Variants in SEMA6D observed in about 807,000 individuals in gnomAD.
SEMA6D encodes the protein semaphorin 6D.
In SEMA6D, 35 loss-of-function variants were observed where a neutral mutation model predicts 106.6. That is an observed-to-expected ratio of 0.33 (90% CI 0.25 to 0.44). The LOEUF is 0.44. Among genes scored for constraint, SEMA6D ranks in the 20% least tolerant of loss-of-function variants. The pLI is 1.00. For synonymous variants in SEMA6D, 499 were observed against 487.7 expected (o/e 1.02, Z -0.31); for missense variants, 1,185 against 1,345.9 (o/e 0.88, Z 1.87).
chr15:47,548,359 G>T (rs2045584268), intron 3 of SEMA6D, among the ~76,000 whole-genome samples: 1 of 152,116 alleles, frequency 6.6e-6, no homozygotes, highest in Non-Finnish European at 1.5e-5. Flanking sequence ...TAAAATCCTT[G>T]CACCTGCCAG....
At position 47,704,813 on chromosome 15, in the gene SEMA6D, T is replaced by G. The variant is rs139700820; in HGVS notation, c.-54-54932T>G. Among the ~76,000 whole-genome samples the G allele has an allele frequency of 3.1e-3, 472 of 152,300 alleles. 1 individual carries two copies. Among genetic ancestry groups the G allele is most frequent in the Non-Finnish European group, 5.2e-3 (353 of 68,024 alleles). ...ATGATTGATATCCATGGCTCTTATT[T>G]TCTTTTAAAAAAAGGATTCTTGTAT... On this transcript the variant is annotated intron_variant, in intron 4 of 19. Coordinates refer to the SEMA6D transcript ENST00000558014.
At chr15:47,221,374 C>T (rs940785676) in intron 1 of SEMA6D, among the ~76,000 whole-genome samples, 6 of 152,140 alleles carry the variant, frequency 3.9e-5, no homozygotes, top group African/African-American at 1.4e-4. Flanking sequence ...TAAAGGCTTC[C>T]CTGTTATTGC....
chr15:47,339,240 T>A (rs1266330054), intron 1 of SEMA6D: 2 of 152,202 alleles, frequency 1.3e-5, no homozygotes, highest in African/African-American at 4.8e-5. Context: ...CCTTAAGTTC[T>A]TTGAGCTGCT....
chr15:47,685,327 A>G (rs938540438), intron 4 of SEMA6D, among the ~76,000 whole-genome samples: 4 of 152,224 alleles, frequency 2.6e-5, no homozygotes, highest in South Asian at 4.1e-4. Context: ...GCACAATCCC[A>G]GAGAGGCAGG....
intron 1 of SEMA6D, among the ~76,000 whole-genome samples, chr15:47,739,542 A>C (rs1169442861): frequency 1.3e-5 from 2 of 152,178 alleles, no homozygotes; most frequent in Non-Finnish European, 2.9e-5. Context: ...CATGTGATAC[A>C]TCTCAAGAAG....
At chr15:47,616,844 T>TA (rs1241244022) in intron 4 of SEMA6D, among the ~76,000 whole-genome samples, 4 of 152,236 alleles carry the variant, frequency 2.6e-5, no homozygotes, top group Non-Finnish European at 5.9e-5. Context: ...CCAGCCCTCT[T>TA]ACCTTCTCCC....
chr15:47,296,579 C>T (rs1164774776), intron 1 of SEMA6D, among the ~76,000 whole-genome samples: 1 of 152,092 alleles, frequency 6.6e-6, no homozygotes, highest in Non-Finnish European at 1.5e-5. Context: ...AGTTTATATG[C>T]CTGAACATAT....
chr15:47,571,411 CT>C lies in SEMA6D; in HGVS notation c.-86-29453del, dbSNP rs149348523. On this transcript the variant is annotated intron_variant, in intron 3 of 19. Coordinates refer to the SEMA6D transcript ENST00000558014. The stretch of plus-strand genomic sequence containing the variant: ...AAGAATGCCAATTACAGATGCTCTG[CT>C]GTCTGATTAGAGCATTCTTGAGTCC... Among the ~76,000 whole-genome samples the C allele has an allele frequency of 2.0e-3, 304 of 152,330 alleles. 1 individual carries two copies. Among genetic ancestry groups the C allele is most frequent in the African/African-American group, 6.9e-3 (288 of 41,576 alleles).
At chr15:47,330,213 G>T (rs2037289740) in intron 1 of SEMA6D, among the ~76,000 whole-genome samples, 1 of 152,078 alleles carries the variant, frequency 6.6e-6, no homozygotes, top group Non-Finnish European at 1.5e-5. Context: ...GTATATGTTT[G>T]CATGTGAATA....
Position 47,768,732 on chromosome 15 carries a change from A to G in SEMA6D, c.1917A>G (p.Leu639=). 1 of 1,613,234 alleles carries G rather than the reference A, an allele frequency of 6.2e-7. No homozygotes were observed. The highest frequency in any genetic ancestry group is 8.5e-7 in the Non-Finnish European group (1 of 1,179,412). ...DPNTSDFTDP[L]SGIPKGVRWE... ...ACACTTCTGATTTTACTGATCCTTT[A>G]TCGGGTATCCCAAAGGGTAAGGCCT... Residue 639 remains leucine, a synonymous_variant, in exon 18 of 19, where the codon TTA becomes TTG. Transcript: ENST00000536845.
chr15:47,657,797 A>C (rs1330995604), intron 4 of SEMA6D, among the ~76,000 whole-genome samples: 3 of 117,738 alleles, frequency 2.5e-5, no homozygotes, highest in Non-Finnish European at 4.8e-5. Flanking sequence ...GCTGGAGTGC[A>C]GTGGCAGATC....
At chr15:47,436,184 G>A (rs2140658862) in intron 2 of SEMA6D, among the ~76,000 whole-genome samples, 1 of 152,190 alleles carries the variant, frequency 6.6e-6, no homozygotes, top group South Asian at 2.1e-4. Flanking sequence ...GAGGTCAGGA[G>A]TTCCAGACCA....
chr15:47,475,201 C>G (rs980694708), intron 3 of SEMA6D, among the ~76,000 whole-genome samples: 6 of 152,124 alleles, frequency 3.9e-5, no homozygotes, highest in African/African-American at 1.4e-4. Flanking sequence ...TAAATAAAAG[C>G]CTAAATCATA....
chr15:47,331,965 T>C (rs2037359980), intron 1 of SEMA6D, among the ~76,000 whole-genome samples: 1 of 152,160 alleles, frequency 6.6e-6, no homozygotes, highest in African/African-American at 2.4e-5. Context: ...AAGAGCTCAG[T>C]AAAACAGTCC....
intron 1 of SEMA6D, among the ~76,000 whole-genome samples, chr15:47,252,425 C>T (rs1046277430): frequency 6.6e-6 from 1 of 152,070 alleles, no homozygotes; most frequent in South Asian, 2.1e-4. Flanking sequence ...ACTTTTCTAA[C>T]TATCCTAAAA....
At chr15:47,712,656 G>C (rs953883298), upstream of SEMA6D, among the ~76,000 whole-genome samples, 3 of 152,160 alleles carry the variant, frequency 2.0e-5, no homozygotes, top group African/African-American at 7.2e-5. Context: ...ATTTTTAGAA[G>C]TAAATAAACT....
chr15:47,475,025 C>A (rs1392734412), intron 3 of SEMA6D, among the ~76,000 whole-genome samples: 1 of 152,112 alleles, frequency 6.6e-6, no homozygotes, highest in Non-Finnish European at 1.5e-5. Context: ...GCTGACATTT[C>A]ATTGGCTATA....
At chr15:47,484,672 T>C (rs2043247129) in intron 3 of SEMA6D, among the ~76,000 whole-genome samples, 1 of 152,168 alleles carries the variant, frequency 6.6e-6, no homozygotes, top group Admixed American at 6.6e-5. Flanking sequence ...GGCAGGTAAA[T>C]GGAATCCCAT....
intron 1 of SEMA6D, among the ~76,000 whole-genome samples, chr15:47,747,983 T>A (rs1347872111): frequency 6.6e-6 from 1 of 152,252 alleles, no homozygotes; most frequent in Non-Finnish European, 1.5e-5. Flanking sequence ...TAGCCTGCTT[T>A]CCTTCCCTTT....
Sources: allele counts gnomAD v4.1 joint callset (sites outside exome capture counted in the v4.1 genomes callset), GRCh38; gene constraint gnomAD v4.1.1; transcripts MANE v1.5; gene names NCBI Gene and HGNC (gene_info 2026-07-23, HGNC 2026-07-21).